The following TXNL1 variants were observed in gnomAD, a reference collection of about 807,000 sequenced individuals.
The protein encoded by TXNL1 is thioredoxin like 1, also known as thioredoxin-like protein 1.
Under a neutral mutation model 35.5 loss-of-function variants are expected in TXNL1, and 14 were observed. The observed-to-expected ratio is 0.39, with a 90% CI of 0.26 to 0.62. The LOEUF (loss-of-function observed/expected upper bound fraction) is 0.62. Among genes scored for constraint, TXNL1 ranks in the 20% least tolerant of loss-of-function variants. The pLI is 0.47. For missense variants in TXNL1, 263 were observed against 349.7 expected (o/e 0.75, Z 1.98); for synonymous variants, 110 against 115.5 (o/e 0.95, Z 0.31).
rs1192452298 is a variant in TXNL1, at chr18:56,601,133, ACT to A, written c.*1892_*1893del. On this transcript the variant is annotated 3_prime_UTR_variant, in exon 8 of 8. Transcript: ENST00000217515. ...TATACATATGTGTGTATATATATAT[ACT>A]GTTTTAGGAGAAAACAGCATTTCAG... 6.6e-6 allele frequency: 1 copy of A among 152,000 alleles called. No homozygotes were observed. Among genetic ancestry groups the A allele is most frequent in the Non-Finnish European group, 1.5e-5 (1 of 68,010 alleles). 9.4% of individuals were successfully genotyped at this position (152,000 alleles called of 1,614,324 possible).
intron 1 of TXNL1, 106 bp from the exon 2 acceptor site, chr18:56,626,563 ACTCT>A (rs967434840): frequency 1.1e-5 from 11 of 1,010,566 alleles, no homozygotes; most frequent in African/African-American, 6.7e-5. Context: ...CTGGCTTTTG[ACTCT>A]CTGTTTTTTT....
rs1414936468 is a variant in TXNL1, at chr18:56,615,384, T to G, written c.563-788A>C. ...ATAAGGCCTTGGTTATTTCTTCCAA[T>G]CAATCGAAAAAAAAAAAAAAAATCA... is the stretch of plus-strand genomic sequence containing the variant. On this transcript the variant is annotated intron_variant, in intron 5 of 7. Transcript: ENST00000217515. 8.4e-5 allele frequency among the ~76,000 whole-genome samples: 6 copies of G among 71,022 alleles called. No homozygotes were observed. In the East Asian group the frequency reaches 2.7e-3, roughly 32 times the overall value. 46.6% of individuals were successfully genotyped at this position (71,022 alleles called of 152,430 possible).
chr18:56,611,159 A>ATGTT, intron 6 of TXNL1, 62 bp from the exon 7 acceptor site: 1 of 1,111,850 alleles, frequency 9.0e-7, no homozygotes, highest in South Asian at 1.4e-5. Flanking sequence ...CTTTAAGTTT[A>ATGTT]ATCAATTTCC....
At chr18:56,622,647 C>G (rs187316279) in intron 3 of TXNL1, among the ~76,000 whole-genome samples, 22 of 152,188 alleles carry the variant, frequency 1.4e-4, no homozygotes, top group Non-Finnish European at 2.6e-4. Flanking sequence ...TTCCTATTTC[C>G]TATCTGAGGC....
At chr18:56,614,325 A>G in intron 6 of TXNL1, 99 bp downstream of exon 6, 1 of 1,081,454 alleles carries the variant, frequency 9.2e-7, no homozygotes, top group East Asian at 2.5e-5. Context: ...TGAGTGAATA[A>G]ATACCACTTT....
At chr18:56,608,604 A>T (rs1231454751) in intron 7 of TXNL1, 3 of 152,184 alleles carry the variant, frequency 2.0e-5, no homozygotes, top group Non-Finnish European at 4.4e-5. Context: ...CATAATGCTA[A>T]ATCGTTTTTT....
At chr18:56,619,946 T>TA (rs1347709953) in intron 3 of TXNL1, among the ~76,000 whole-genome samples, 5 of 152,134 alleles carry the variant, frequency 3.3e-5, no homozygotes, top group African/African-American at 9.7e-5. Context: ...TTACATGCTT[T>TA]AAAAAAACTC....
chr18:56,611,687 A>G (rs2023994472), intron 6 of TXNL1, among the ~76,000 whole-genome samples: 1 of 151,458 alleles, frequency 6.6e-6, no homozygotes, highest in Non-Finnish European at 1.5e-5. Flanking sequence ...GTCACAATTA[A>G]ATTCTCTCTC....
rs2023816251 is a variant in TXNL1, at chr18:56,602,037, T to G, written c.*990A>C. On this transcript the variant is annotated 3_prime_UTR_variant, in exon 8 of 8. Transcript: ENST00000217515. ...TTCCCTTTTTTTTTTGGAGACGGAG[T>G]TTTGCTCTTGTCGCTCAGGCTGGGG... 6.6e-6 allele frequency: 1 copy of G among 151,094 alleles called. No individual in the cohort carries two copies. Among genetic ancestry groups the G allele is most frequent in the Non-Finnish European group, 1.5e-5 (1 of 67,834 alleles). 9.4% of individuals were successfully genotyped at this position (151,094 alleles called of 1,614,324 possible).
intron 1 of TXNL1, among the ~76,000 whole-genome samples, chr18:56,633,874 C>T (rs948875019): frequency 1.3e-5 from 2 of 150,780 alleles, no homozygotes; most frequent in South Asian, 2.1e-4. Context: ...ATCCCAGCTC[C>T]TCAGGAGGCT....
chr18:56,610,949 A>C (rs1200779245), intron 7 of TXNL1, 44 bp downstream of exon 7: 1 of 1,268,758 alleles, frequency 7.9e-7, no homozygotes, highest in Admixed American at 2.4e-5. Flanking sequence ...ATTCCATTAA[A>C]ATTATATTTT....
chr18:56,631,453 G>C (rs2024369311), intron 1 of TXNL1, among the ~76,000 whole-genome samples: 1 of 151,518 alleles, frequency 6.6e-6, no homozygotes, highest in African/African-American at 2.4e-5. Flanking sequence ...AGATCACCTA[G>C]TCCAGACATT....
At chr18:56,628,065 T>A (rs1568107918) in intron 1 of TXNL1, among the ~76,000 whole-genome samples, 1 of 152,260 alleles carries the variant, frequency 6.6e-6, no homozygotes, top group South Asian at 2.1e-4. Context: ...AACCCTTGAA[T>A]AGGTACTTGA....
chr18:56,610,842 C>A (rs1010554849), intron 7 of TXNL1, 151 bp downstream of exon 7: 1 of 497,794 alleles, frequency 2.0e-6, no homozygotes, highest in East Asian at 3.9e-5. Context: ...GTTAGGGGAA[C>A]TTTCTATCCT....
intron 3 of TXNL1, among the ~76,000 whole-genome samples, chr18:56,622,897 C>A (rs2024211488): frequency 6.6e-6 from 1 of 152,184 alleles, no homozygotes; most frequent in Non-Finnish European, 1.5e-5. Flanking sequence ...TTTCAAATTA[C>A]AGGTCTATTT....
intron 7 of TXNL1, among the ~76,000 whole-genome samples, chr18:56,605,977 C>T (rs932236401): frequency 2.6e-5 from 4 of 152,230 alleles, no homozygotes; most frequent in Admixed American, 2.0e-4. Flanking sequence ...ATTTGATCTA[C>T]TTTATTATTC....
rs1281813424 is a variant in TXNL1, at chr18:56,634,020, T to A, written c.98+4323A>T. Among the ~76,000 whole-genome samples the A allele has an allele frequency of 1.9e-4, 28 of 148,352 alleles. 1 individual carries two copies. The highest frequency in any genetic ancestry group is 1.5e-5 in the Non-Finnish European group (1 of 67,432). ...AAAAAAAAAAAAAAATCATTCACAC[T>A]GTTTAATGGTGGGGAGGGGGGAGAC... On this transcript the variant is annotated intron_variant, in intron 1 of 7. Transcript: ENST00000217515.
At position 56,598,307 on chromosome 18, in the gene TXNL1, G is replaced by A. The variant is rs77148862; in HGVS notation, c.*4720C>T. On this transcript the variant is annotated 3_prime_UTR_variant, in exon 8 of 8. Coordinates refer to ENST00000217515, the MANE Select transcript of TXNL1 (RefSeq NM_004786.3). ...ATCTAGTAGTCCAAATAAGACTACAGATCATTACAAGTAGCTTGATAAGTA... is the reference window on the plus strand; with the variant it reads ...ATCTAGTAGTCCAAATAAGACTACAAATCATTACAAGTAGCTTGATAAGTA... 1 of 152,254 alleles carries A rather than the reference G, an allele frequency of 6.6e-6. No individual in the cohort carries two copies. Among genetic ancestry groups the A allele is most frequent in the South Asian group, 2.1e-4 (1 of 4,822 alleles). 9.4% of individuals were successfully genotyped at this position (152,254 alleles called of 1,614,324 possible).
At chr18:56,633,196 C>G (rs1483934079) in intron 1 of TXNL1, among the ~76,000 whole-genome samples, 1 of 152,118 alleles carries the variant, frequency 6.6e-6, no homozygotes, top group Non-Finnish European at 1.5e-5. Flanking sequence ...GCCTGTAATC[C>G]CAGCACTTTG....
Sources: gnomAD v4.1 joint callset for allele counts (sites outside exome capture counted in the v4.1 genomes callset) on GRCh38, gnomAD v4.1.1 for gene constraint, MANE v1.5 for transcripts, NCBI Gene and HGNC (gene_info 2026-07-23, HGNC 2026-07-21) for gene names.